The following ARHGEF28 variants were observed in gnomAD, a reference collection of about 807,000 sequenced individuals.
ARHGEF28 encodes 190 kDa guanine nucleotide exchange factor.
ARHGEF28 carries 152 observed loss-of-function variants against 206.6 expected under a neutral mutation model. That is an observed-to-expected ratio of 0.74 (90% confidence interval 0.64 to 0.84). The LOEUF (loss-of-function observed/expected upper bound fraction) is 0.84. Ranked by LOEUF, ARHGEF28 falls within the 40% of genes least tolerant of loss-of-function variation. ARHGEF28 has a pLI of 0.00. For synonymous variants in ARHGEF28, 763 were observed against 776.4 expected (o/e 0.98, Z 0.29); for missense variants, 2,028 against 2,073.2 (o/e 0.98, Z 0.42).
chr5:73,659,874 A>T (rs1745480296), intron 1 of ARHGEF28, among the ~76,000 whole-genome samples: 1 of 152,188 alleles, frequency 6.6e-6, no homozygotes, highest in African/African-American at 2.4e-5. Flanking sequence ...AATGCTAAGG[A>T]TCATCTGAGC....
At chr5:73,801,502 C>A (rs1038941444) in intron 9 of ARHGEF28, among the ~76,000 whole-genome samples, 14 of 145,736 alleles carry the variant, frequency 9.6e-5, no homozygotes, top group Admixed American at 4.7e-4. Flanking sequence ...TTAAGCATGG[C>A]ATCTTAGAAG....
chr5:73,831,837 A>G (rs1342136007), intron 9 of ARHGEF28, among the ~76,000 whole-genome samples: 1 of 152,096 alleles, frequency 6.6e-6, no homozygotes, highest in African/African-American at 2.4e-5. Flanking sequence ...GATTACAGGC[A>G]TGCGCCGCCA....
At chr5:73,851,162 A>C (rs907577961) in intron 13 of ARHGEF28, among the ~76,000 whole-genome samples, 1 of 152,244 alleles carries the variant, frequency 6.6e-6, no homozygotes, top group Non-Finnish European at 1.5e-5. Context: ...TGGATTAATC[A>C]AAAGTAAATT....
Position 73,852,677 on chromosome 5 carries a change from C to T in ARHGEF28, c.1775C>T (p.Pro592Leu). 6.2e-7 allele frequency: 1 copy of T among 1,613,654 alleles called. No homozygotes were observed. The highest frequency in any genetic ancestry group is 8.5e-7 in the Non-Finnish European group (1 of 1,179,692). Residue 592 changes from proline (P) to leucine (L), a missense_variant, in exon 14 of 36, where the codon CCA becomes CTA. Transcript: ENST00000513042. ...EEQRAYSLSE[P>L]PRENRIQEEE... ...CAAAGAGCTTACAGCTTATCGGAGC[C>T]ACCAAGAGAAAACAGGTACTTTTAA... is the stretch of plus-strand genomic sequence containing the variant.
At chr5:73,718,014 G>A (rs1363935583) in intron 2 of ARHGEF28, among the ~76,000 whole-genome samples, 1 of 152,078 alleles carries the variant, frequency 6.6e-6, no homozygotes, top group Non-Finnish European at 1.5e-5. Flanking sequence ...AAGTAGCTGG[G>A]ATTATAGGCA....
intron 35 of ARHGEF28, among the ~76,000 whole-genome samples, chr5:73,918,356 C>G (rs1763331227): frequency 6.6e-6 from 1 of 152,114 alleles, no homozygotes; most frequent in Non-Finnish European, 1.5e-5. Context: ...AGTTTGCCTA[C>G]CCCAGAGGCT....
At chr5:73,728,028 G>A (rs572652077) in intron 2 of ARHGEF28, among the ~76,000 whole-genome samples, 1 of 152,186 alleles carries the variant, frequency 6.6e-6, no homozygotes, top group African/African-American at 2.4e-5. Context: ...GTGCTGCTGA[G>A]TTTTCTTTAA....
intron 2 of ARHGEF28, among the ~76,000 whole-genome samples, chr5:73,711,754 T>C (rs925569742): frequency 6.6e-6 from 1 of 152,072 alleles, no homozygotes; most frequent in African/African-American, 2.4e-5. Context: ...TCTGTATTTT[T>C]TTTGTAGATG....
At chr5:73,869,470 A>C (rs1427857717) in intron 20 of ARHGEF28, among the ~76,000 whole-genome samples, 1 of 152,220 alleles carries the variant, frequency 6.6e-6, no homozygotes, top group Non-Finnish European at 1.5e-5. Context: ...CCAAAAATAA[A>C]ACTAAAATAG....
Position 73,842,253 on chromosome 5 carries a change from T to G in ARHGEF28, c.1427+1493T>G, listed in dbSNP as rs548971558. Among the ~76,000 whole-genome samples the G allele has an allele frequency of 4.6e-5, 7 of 152,054 alleles. No homozygotes were observed. The East Asian group carries it at 1.4e-3, about 30-fold the overall frequency. On this transcript the variant is annotated intron_variant, in intron 11 of 35. Coordinates refer to ENST00000513042, the MANE Select transcript of ARHGEF28 (RefSeq NM_001177693.2). ...CGTATAAAATGAATCAAAGTGAACA[T>G]AAAATGCACACACATATGTGACTAT...
At chr5:73,796,073 C>T (rs1342207324) in intron 9 of ARHGEF28, among the ~76,000 whole-genome samples, 1 of 152,200 alleles carries the variant, frequency 6.6e-6, no homozygotes, top group Non-Finnish European at 1.5e-5. Flanking sequence ...TCTATTTCTT[C>T]AAGGCTAATT....
At chr5:73,782,132 TA>T (rs35157852) in intron 7 of ARHGEF28, among the ~76,000 whole-genome samples, 6,380 of 143,112 alleles carry the variant, frequency 0.045, 150 homozygotes, top group Middle Eastern at 0.1. Flanking sequence ...GCATGTTTGT[TA>T]AAAAAAAAAA....
intron 9 of ARHGEF28, among the ~76,000 whole-genome samples, chr5:73,826,501 T>C (rs192397456): frequency 1.2e-3 from 183 of 152,352 alleles, no homozygotes; most frequent in Admixed American, 3.6e-3. Context: ...TGCAGAAAAC[T>C]GCCTTAGCTG....
intron 2 of ARHGEF28, among the ~76,000 whole-genome samples, chr5:73,694,498 G>C (rs974679883): frequency 6.6e-5 from 10 of 152,196 alleles, no homozygotes; most frequent in Admixed American, 5.2e-4. Flanking sequence ...TACCATCTAA[G>C]TAAGGATTTT....
At chr5:73,874,855 T>C (rs1760353657) in intron 22 of ARHGEF28, among the ~76,000 whole-genome samples, 1 of 149,050 alleles carries the variant, frequency 6.7e-6, no homozygotes, top group Admixed American at 6.7e-5. Flanking sequence ...TCTTTGGTAT[T>C]GTGAATAATG....
At chr5:73,848,142 A>T (rs1758480077) in intron 12 of ARHGEF28, among the ~76,000 whole-genome samples, 2 of 152,326 alleles carry the variant, frequency 1.3e-5, no homozygotes, top group East Asian at 3.9e-4. Flanking sequence ...GATCAGTCCT[A>T]AGGGCTTTAT....
intron 1 of ARHGEF28, among the ~76,000 whole-genome samples, chr5:73,651,546 T>C (rs1933845983): frequency 6.6e-6 from 1 of 152,212 alleles, no homozygotes; most frequent in Non-Finnish European, 1.5e-5. Context: ...AGTGCTAACA[T>C]ATAGGGCCTG....
chr5:73,729,919 G>T (rs150406529), intron 2 of ARHGEF28, among the ~76,000 whole-genome samples: 3 of 152,290 alleles, frequency 2.0e-5, no homozygotes, highest in East Asian at 3.9e-4. Context: ...TCGAGTCCCA[G>T]CTGTGACCTT....
chr5:73,626,853 C>T (rs145158629), intron 1 of ARHGEF28, among the ~76,000 whole-genome samples: 26 of 152,304 alleles, frequency 1.7e-4, no homozygotes, highest in Non-Finnish European at 3.5e-4. Context: ...TTATGGTTAC[C>T]TTGGTTGGGA....
Sources: allele counts gnomAD v4.1 joint callset (sites outside exome capture counted in the v4.1 genomes callset), GRCh38; gene constraint gnomAD v4.1.1; transcripts MANE v1.5; gene names NCBI Gene and HGNC (gene_info 2026-07-23, HGNC 2026-07-21).